The following DNAL1 variants were observed in gnomAD, a reference collection of about 807,000 sequenced individuals.
DNAL1 encodes chromosome 14 open reading frame 168.
DNAL1 carries 17 observed loss-of-function variants against 29.4 expected under a neutral mutation model. That is an observed-to-expected ratio of 0.58 (90% CI 0.40 to 0.87). The LOEUF is 0.87. Among genes scored for constraint, DNAL1 ranks in the 40% least tolerant of loss-of-function variants. The probability of loss-of-function intolerance (pLI) is 0.00; values close to 1 mark genes in which losing one functional copy is unlikely to be tolerated. For missense variants in DNAL1, 188 were observed against 214.1 expected (o/e 0.88, Z 0.76); for synonymous variants, 78 against 76.3 (o/e 1.02, Z -0.12).
Position 73,658,827 on chromosome 14 carries a change from C to A in DNAL1, c.43-20C>A. On this transcript the variant is annotated intron_variant, in intron 2 of 7. Coordinates refer to ENST00000553645, the MANE Select transcript of DNAL1 (RefSeq NM_031427.4). ...CATTGCAATCATGGGTTATTTCTTC[C>A]AAATGTATTTTTCTCATAGGAAGAG... 1 of 1,575,684 alleles carries A rather than the reference C, an allele frequency of 6.3e-7. No homozygotes were observed. The highest frequency in any genetic ancestry group is 1.2e-5 in the South Asian group (1 of 85,804).
At chr14:73,668,649 C>T (rs190451223) in intron 4 of DNAL1, among the ~76,000 whole-genome samples, 52 of 151,730 alleles carry the variant, frequency 3.4e-4, no homozygotes, top group Non-Finnish European at 6.8e-4. Flanking sequence ...GGCCGCTCTG[C>T]TTGGCTTGTA....
intron 3 of DNAL1, among the ~76,000 whole-genome samples, chr14:73,661,309 T>G (rs1891351247): frequency 6.6e-6 from 1 of 152,212 alleles, no homozygotes. Flanking sequence ...AACAGGTGTT[T>G]ATAGATTTTT....
chr14:73,678,386 C>A (rs1891794671), intron 5 of DNAL1, among the ~76,000 whole-genome samples: 3 of 151,920 alleles, frequency 2.0e-5, no homozygotes, highest in Admixed American at 2.0e-4. Context: ...TTATTAACCA[C>A]ATAGTAGGCT....
intron 2 of DNAL1, among the ~76,000 whole-genome samples, chr14:73,657,043 C>A (rs1444778455): frequency 1.3e-5 from 2 of 151,840 alleles, no homozygotes; most frequent in East Asian, 3.9e-4. Flanking sequence ...CTCAGCCTCC[C>A]AAAGTGCTAG....
chr14:73,669,466 G>C (rs1891567279), intron 4 of DNAL1, among the ~76,000 whole-genome samples: 1 of 152,108 alleles, frequency 6.6e-6, no homozygotes, highest in South Asian at 2.1e-4. Context: ...TAGTAGAGAT[G>C]GGGTTTCACC....
At chr14:73,687,949 G>C (rs562697348) in intron 6 of DNAL1, among the ~76,000 whole-genome samples, 2 of 151,474 alleles carry the variant, frequency 1.3e-5, no homozygotes, top group Non-Finnish European at 2.9e-5. Flanking sequence ...TAACAAACCT[G>C]CACGTTGTAC....
chr14:73,684,640 T>C (rs1033178526), intron 5 of DNAL1, among the ~76,000 whole-genome samples: 1 of 152,182 alleles, frequency 6.6e-6, no homozygotes, highest in Non-Finnish European at 1.5e-5. Flanking sequence ...CTCACGCCTA[T>C]AGTCCTAGCA....
intron 5 of DNAL1, among the ~76,000 whole-genome samples, chr14:73,675,162 A>G (rs1374795318): frequency 6.6e-6 from 1 of 151,272 alleles, no homozygotes; most frequent in African/African-American, 2.4e-5. Context: ...GTTACTCATT[A>G]TTACCTGAAA....
rs1891142542 is a variant in DNAL1 at position 73,653,037 on chromosome 14, G to GA, written c.4-1808dup. The GA allele has an allele frequency of 2.6e-5, 4 of 152,178 alleles. 1 individual carries two copies. In the South Asian group the frequency reaches 8.3e-4, roughly 32 times the overall value. 9.4% of individuals were successfully genotyped at this position (152,178 alleles called of 1,614,324 possible). ...ATGGCTAGATGCATCCTTAGGTATA[G>GA]AAGGAAGGTGTGTTCCAGAGAACAA... On this transcript the variant is annotated intron_variant, in intron 1 of 7. Coordinates refer to ENST00000553645, the MANE Select transcript of DNAL1 (RefSeq NM_031427.4).
intron 1 of DNAL1, among the ~76,000 whole-genome samples, chr14:73,646,262 T>A (rs762744726): frequency 2.6e-4 from 40 of 152,226 alleles, no homozygotes; most frequent in Non-Finnish European, 5.6e-4. Context: ...AGTACAGTTA[T>A]AAGTCACTTA....
intron 1 of DNAL1, among the ~76,000 whole-genome samples, chr14:73,651,690 T>C (rs758001337): frequency 2.6e-5 from 4 of 152,218 alleles, no homozygotes; most frequent in Non-Finnish European, 5.9e-5. Context: ...AGAGTCTTGC[T>C]CTGCTGCCCG....
At chr14:73,672,448 A>G (rs986918559) in intron 5 of DNAL1, among the ~76,000 whole-genome samples, 1 of 151,818 alleles carries the variant, frequency 6.6e-6, no homozygotes, top group African/African-American at 2.4e-5. Flanking sequence ...TATTAAAAAA[A>G]TACAAAAAAA....
At chr14:73,683,166 G>A (rs753969467) in intron 5 of DNAL1, among the ~76,000 whole-genome samples, 5 of 152,020 alleles carry the variant, frequency 3.3e-5, no homozygotes, top group South Asian at 2.1e-4. Flanking sequence ...GTGAGCCACC[G>A]CGCCCAGCCT....
intron 1 of DNAL1, among the ~76,000 whole-genome samples, chr14:73,650,828 A>T (rs1891097175): frequency 1.3e-5 from 2 of 152,022 alleles, no homozygotes; most frequent in South Asian, 4.2e-4. Flanking sequence ...TTTTTTAAAG[A>T]GCTGGGGTCT....
At chr14:73,678,758 G>A (rs748349467) in intron 5 of DNAL1, among the ~76,000 whole-genome samples, 3 of 152,068 alleles carry the variant, frequency 2.0e-5, no homozygotes, top group Admixed American at 2.0e-4. Context: ...AACAATCTAA[G>A]TGTCTATCAG....
At chr14:73,691,337 G>A (rs1276945402) in intron 7 of DNAL1, among the ~76,000 whole-genome samples, 1 of 152,090 alleles carries the variant, frequency 6.6e-6, no homozygotes, top group African/African-American at 2.4e-5. Flanking sequence ...ATCACTTGAG[G>A]TCAGGAGTTC....
At position 73,654,848 on chromosome 14, in the gene DNAL1, C is replaced by T. The variant is rs752349290; in HGVS notation, c.5C>T (p.Ala2Val). The change falls in exon 2 of 8, where the codon GCG (alanine) becomes GTG (valine). Residue 2 changes from alanine (A) to valine (V), a missense_variant and splice_region_variant. Transcript: ENST00000553645. The stretch of plus-strand genomic sequence containing the variant: ...TCTTTCTTTTTTTTTTTTTTAAAGG[C>T]GAAAGCAACAACAATCAAAGAAGCC... M[A>V]KATTIKEALA... 20 of 1,504,592 alleles carry T rather than the reference C, an allele frequency of 1.3e-5. No homozygotes were observed. The highest frequency in any genetic ancestry group is 5.3e-5 in the South Asian group (4 of 75,880). 93.2% of individuals were successfully genotyped at this position (1,504,592 alleles called of 1,614,324 possible).
intron 7 of DNAL1, among the ~76,000 whole-genome samples, chr14:73,693,847 G>A (rs1016283157): frequency 2.6e-5 from 4 of 152,066 alleles, no homozygotes; most frequent in Non-Finnish European, 5.9e-5. Flanking sequence ...TTAAATCTGG[G>A]TGCCGGTAAC....
Position 73,658,910 on chromosome 14 carries a change from C to T in DNAL1, c.106C>T (p.Pro36Ser), listed in dbSNP as rs763705136. Residue 36 changes from proline (P) to serine (S), a missense_variant, in exon 3 of 8, where the codon CCT (proline) becomes TCT (serine). Transcript: ENST00000553645. Reference protein sequence around the residue: ...KEIKLYAQIPPIEKMDASLSM... With the variant: ...KEIKLYAQIPSIEKMDASLSM... ...GATAAAACTTTATGCCCAGATTCCCCCTATAGAGAAGATGGATGCATCCTT... is the reference window on the plus strand; with the variant it reads ...GATAAAACTTTATGCCCAGATTCCCTCTATAGAGAAGATGGATGCATCCTT... 3 of 1,584,878 alleles carry T rather than the reference C, an allele frequency of 1.9e-6. No individual in the cohort carries two copies. In the East Asian group the frequency reaches 6.9e-5, roughly 36 times the overall value.
Sources: gnomAD v4.1 joint callset for allele counts (sites outside exome capture counted in the v4.1 genomes callset) on GRCh38, gnomAD v4.1.1 for gene constraint, MANE v1.5 for transcripts, NCBI Gene and HGNC (gene_info 2026-07-23, HGNC 2026-07-21) for gene names.